Variants in AGBL4 observed in about 807,000 individuals in gnomAD.
AGBL4 encodes the protein cytosolic carboxypeptidase 6.
A neutral mutation model predicts 66.4 loss-of-function variants in AGBL4; 58 were observed. The observed-to-expected ratio is 0.87, with a 90% CI of 0.71 to 1.09. The LOEUF (loss-of-function observed/expected upper bound fraction) is 1.09, where lower values mean the gene tolerates loss of function less well. Ranked by LOEUF, AGBL4 falls within the 50% of genes least tolerant of loss-of-function variation. The pLI is 0.00. For synonymous variants in AGBL4, 234 were observed against 222.9 expected, an observed-to-expected ratio of 1.05 and a Z score of -0.44; for missense variants, 579 against 631.0, an observed-to-expected ratio of 0.92 and a Z score of 0.88.
At chr1:49,024,358 C>G (rs935851791) in intron 5 of AGBL4, among the ~76,000 whole-genome samples, 7 of 152,144 alleles carry the variant, frequency 4.6e-5, no homozygotes, top group African/African-American at 1.7e-4. Flanking sequence ...ATATGCCATG[C>G]TCTCACCCAT....
At chr1:49,365,629 T>C (rs80047675) in intron 3 of AGBL4, among the ~76,000 whole-genome samples, 12,208 of 152,012 alleles carry the variant, frequency 0.08, 685 homozygotes, top group African/African-American at 0.16. Context: ...TATTAACTCT[T>C]TGAATACAAA....
At chr1:48,835,113 G>A (rs1456955680) in intron 6 of AGBL4, among the ~76,000 whole-genome samples, 2 of 152,042 alleles carry the variant, frequency 1.3e-5, no homozygotes, top group Non-Finnish European at 2.9e-5. Flanking sequence ...GATTTAAACT[G>A]GGCTTCTCAG....
intron 9 of AGBL4, among the ~76,000 whole-genome samples, chr1:48,592,463 G>C (rs992298691): frequency 1.3e-5 from 2 of 152,144 alleles, no homozygotes; most frequent in Non-Finnish European, 2.9e-5. Flanking sequence ...CAGTTCTCTG[G>C]GTAGCAAAAG....
At chr1:49,095,790 A>C (rs1359629787) in intron 4 of AGBL4, among the ~76,000 whole-genome samples, 17 of 151,794 alleles carry the variant, frequency 1.1e-4, no homozygotes, top group South Asian at 2.1e-4. Context: ...CAAGGACTTC[A>C]TGTCTAAAAC....
chr1:49,226,682 C>A (rs1310059979), intron 4 of AGBL4, among the ~76,000 whole-genome samples: 1 of 152,158 alleles, frequency 6.6e-6, no homozygotes, highest in Non-Finnish European at 1.5e-5. Context: ...TCTACTTTAG[C>A]CCCTAAACAA....
In AGBL4 at chr1:49,735,296, G is replaced by GGGGT. The variant is rs1388288699; in HGVS notation, c.158-37860_158-37859insACCC. Among the ~76,000 whole-genome samples, 158 of 127,390 alleles carry GGGGT rather than the reference G, an allele frequency of 1.2e-3. 2 individuals are homozygous for GGGGT. The highest frequency in any genetic ancestry group is 5.3e-3 in the South Asian group (22 of 4,162). The allele number at this position is 127,390 out of a possible 152,430, so 83.6% of individuals were successfully genotyped here. A position where few individuals can be genotyped will look rare whatever the true frequency, so the allele number is the denominator to read the frequency against. On this transcript the variant is annotated intron_variant, in intron 2 of 13. Coordinates refer to ENST00000371839, the MANE Select transcript of AGBL4 (RefSeq NM_032785.4). The stretch of plus-strand genomic sequence containing the variant: ...TAAAACAAAGAGGTAGAGGTGTGTG[G>GGGGT]GTGTGTGTGTGTGTGTGTGTGTGTG...
At chr1:49,533,587 G>A (rs1159547896) in intron 3 of AGBL4, among the ~76,000 whole-genome samples, 1 of 152,000 alleles carries the variant, frequency 6.6e-6, no homozygotes, top group Non-Finnish European at 1.5e-5. Context: ...ATTATGCCAA[G>A]GTTTTCTTAG....
chr1:49,858,355 AC>A (rs1467444599), intron 1 of AGBL4, among the ~76,000 whole-genome samples: 1 of 152,168 alleles, frequency 6.6e-6, no homozygotes, highest in Non-Finnish European at 1.5e-5. Flanking sequence ...AAATAAAAGT[AC>A]CATACAATCC....
chr1:49,840,798 T>C (rs1645971747), intron 2 of AGBL4, among the ~76,000 whole-genome samples: 1 of 152,050 alleles, frequency 6.6e-6, no homozygotes, highest in Non-Finnish European at 1.5e-5. Flanking sequence ...AAATCCAATA[T>C]CCCTTCATGA....
At chr1:48,608,286 C>A (rs1023138811) in intron 9 of AGBL4, among the ~76,000 whole-genome samples, 3 of 152,032 alleles carry the variant, frequency 2.0e-5, no homozygotes, top group African/African-American at 4.8e-5. Context: ...TCAGAAGAGG[C>A]CTGGGAGCAC....
intron 3 of AGBL4, among the ~76,000 whole-genome samples, chr1:49,646,863 T>C (rs767043950): frequency 3.3e-5 from 5 of 151,552 alleles, no homozygotes; most frequent in Non-Finnish European, 7.4e-5. Context: ...AATCCAGAAA[T>C]AGGACCACAT....
At chr1:49,116,126 GT>G (rs2148031999) in intron 4 of AGBL4, among the ~76,000 whole-genome samples, 1 of 152,178 alleles carries the variant, frequency 6.6e-6, no homozygotes. Flanking sequence ...GTATAAGTAT[GT>G]TTTTTAAAGC....
At chr1:49,241,312 C>T (rs1651213661) in intron 4 of AGBL4, among the ~76,000 whole-genome samples, 1 of 152,026 alleles carries the variant, frequency 6.6e-6, no homozygotes, top group African/African-American at 2.4e-5. Context: ...TCAATAATCT[C>T]TCCAATCACT....
At chr1:49,221,285 GA>G (rs1208580266) in intron 4 of AGBL4, among the ~76,000 whole-genome samples, 3 of 152,058 alleles carry the variant, frequency 2.0e-5, no homozygotes, top group African/African-American at 7.2e-5. Context: ...AACTCCCTGA[GA>G]TTATAGGATC....
At chr1:49,169,289 C>T (rs977126537) in intron 4 of AGBL4, among the ~76,000 whole-genome samples, 3 of 152,152 alleles carry the variant, frequency 2.0e-5, no homozygotes, top group African/African-American at 7.2e-5. Flanking sequence ...ATTGCCTGGC[C>T]AGTTAAATAG....
intron 3 of AGBL4, among the ~76,000 whole-genome samples, chr1:49,683,195 A>C (rs1404495102): frequency 6.6e-6 from 1 of 152,168 alleles, no homozygotes; most frequent in Non-Finnish European, 1.5e-5. Flanking sequence ...CAAAAAAGGC[A>C]CTGGCTAGAG....
intron 3 of AGBL4, among the ~76,000 whole-genome samples, chr1:49,301,319 G>A (rs1019175184): frequency 6.6e-6 from 1 of 152,326 alleles, no homozygotes; most frequent in East Asian, 1.9e-4. Flanking sequence ...AACAGTGAGA[G>A]AAATTTAACA....
At chr1:49,724,079 G>T (rs1012476024) in intron 2 of AGBL4, among the ~76,000 whole-genome samples, 1 of 152,022 alleles carries the variant, frequency 6.6e-6, no homozygotes, top group African/African-American at 2.4e-5. Flanking sequence ...CCAGTAATAA[G>T]GCATTATTTA....
intron 8 of AGBL4, among the ~76,000 whole-genome samples, chr1:48,646,057 G>T (rs1308768183): frequency 6.6e-6 from 1 of 152,152 alleles, no homozygotes; most frequent in Non-Finnish European, 1.5e-5. Context: ...CGAGGCAGAA[G>T]TTACATGCTG....
Sources: gnomAD v4.1 joint callset for allele counts (sites outside exome capture counted in the v4.1 genomes callset) on GRCh38, gnomAD v4.1.1 for gene constraint, MANE v1.5 for transcripts, NCBI Gene and HGNC (gene_info 2026-07-23, HGNC 2026-07-21) for gene names.